Variants in PCM1 observed in about 807,000 individuals in gnomAD.
PCM1 encodes pericentriolar material 1.
PCM1 carries 157 observed loss-of-function variants against 241.9 expected under a neutral mutation model. That is an observed-to-expected ratio of 0.65 (90% CI 0.57 to 0.74). The LOEUF (loss-of-function observed/expected upper bound fraction) is 0.74, where lower values mean the gene tolerates loss of function less well. PCM1 is among the 30% of genes least tolerant of loss of function. The pLI is 0.00. For missense variants in PCM1, 3,478 were observed against 2,360.1 expected, an observed-to-expected ratio of 1.47 and a Z score of -9.81; for synonymous variants, 1,085 against 784.9, an observed-to-expected ratio of 1.38 and a Z score of -6.39.
At chr8:18,008,099 A>G (rs1318808823) in intron 30 of PCM1, among the ~76,000 whole-genome samples, 1 of 152,116 alleles carries the variant, frequency 6.6e-6, no homozygotes, top group Non-Finnish European at 1.5e-5. Context: ...GAAGTTTGGG[A>G]TCATTTATAT....
chr8:17,972,253 G>C (rs2077103976), intron 22 of PCM1, 76 bp from the exon 23 acceptor site: 1 of 797,964 alleles, frequency 1.3e-6, no homozygotes, highest in Non-Finnish European at 1.9e-6. Context: ...TACTCGAGTA[G>C]ACTATAAATT....
rs747995686 is a variant in PCM1 at position 17,953,094 on chromosome 8, A to T, written c.1196A>T (p.Lys399Ile). 1.2e-6 allele frequency: 2 copies of T among 1,602,960 alleles called. No individual in the cohort carries two copies. The highest frequency in any genetic ancestry group is 1.7e-6 in the Non-Finnish European group (2 of 1,174,068). The part of the protein sequence containing the change: ...LPDEKVELFS[K>I]MRVLQEKKQK... ...GATGAGAAAGTCGAACTTTTTAGCA[A>T]AATGAGAGTGCTACAGGAAAAGAAA... The change falls in exon 9 of 39, where the codon AAA becomes ATA. Residue 399 changes from lysine (K) to isoleucine (I), a missense_variant. Transcript: ENST00000325083.
At chr8:17,949,872 A>G (rs948873461) in intron 7 of PCM1, among the ~76,000 whole-genome samples, 2 of 152,230 alleles carry the variant, frequency 1.3e-5, no homozygotes, top group East Asian at 1.9e-4. Context: ...AACAGTGACT[A>G]TCATGAAAAT....
intron 29 of PCM1, among the ~76,000 whole-genome samples, chr8:18,005,015 G>A (rs545612584): frequency 8.6e-5 from 13 of 151,954 alleles, no homozygotes; most frequent in South Asian, 4.2e-4. Flanking sequence ...ACTTTTTCAC[G>A]TATTAGCTGT....
At chr8:17,977,369 A>G (rs999485781) in intron 23 of PCM1, among the ~76,000 whole-genome samples, 7 of 152,226 alleles carry the variant, frequency 4.6e-5, no homozygotes, top group African/African-American at 1.7e-4. Flanking sequence ...ATGAAGTCTT[A>G]CATAATGGCC....
rs1415289729 is a variant in PCM1 at position 17,969,566 on chromosome 8, T to A, written c.3413-11T>A. ...TTTATTTTTCTCTTACCCATTGCTT[T>A]TACTGATTAGGTATGAATTTCAGCC... On this transcript the variant is annotated splice_polypyrimidine_tract_variant and intron_variant, in intron 21 of 38. Coordinates refer to ENST00000325083, the MANE Select transcript of PCM1 (RefSeq NM_006197.4). The A allele has an allele frequency of 6.4e-7, 1 of 1,562,038 alleles. No individual in the cohort carries two copies. Among genetic ancestry groups the A allele is most frequent in the Non-Finnish European group, 8.7e-7 (1 of 1,151,970 alleles).
rs1260000931 is a variant in PCM1, at chr8:17,938,783, A to T, written c.386A>T (p.Asn129Ile). Residue 129 changes from asparagine (N) to isoleucine (I), a missense_variant, in exon 5 of 39, where the codon AAC becomes ATC. Coordinates refer to ENST00000325083, the MANE Select transcript of PCM1 (RefSeq NM_006197.4). ...TCCCAAGGTAGAGCAACAGCTGCTA[A>T]CAACAAACGTCAGCTTAGTGAAAAC... is the stretch of plus-strand genomic sequence containing the variant. Reference protein sequence around the residue: ...SDSQGRATAANNKRQLSENRK... With the variant: ...SDSQGRATAAINKRQLSENRK... The T allele has an allele frequency of 4.3e-6, 7 of 1,612,420 alleles. No individual in the cohort carries two copies. The highest frequency in any genetic ancestry group is 5.1e-6 in the Non-Finnish European group (6 of 1,178,512).
intron 24 of PCM1, among the ~76,000 whole-genome samples, chr8:17,981,840 T>G (rs2080936873): frequency 6.6e-6 from 1 of 152,010 alleles, no homozygotes; most frequent in South Asian, 2.1e-4. Flanking sequence ...CTGGAAAGCT[T>G]CAGAAGTCAT....
intron 3 of PCM1, among the ~76,000 whole-genome samples, chr8:17,936,086 C>A (rs757405346): frequency 1.3e-5 from 2 of 152,186 alleles, no homozygotes; most frequent in Non-Finnish European, 2.9e-5. Flanking sequence ...GTTTTCTCTC[C>A]TCTGGTCCAT....
chr8:18,009,766 T>G (rs443743), intron 31 of PCM1, 22 bp downstream of exon 31: 57,686 of 1,354,718 alleles, frequency 0.043, 2,166 homozygotes, highest in African/African-American at 0.16. Context: ...TCATTTTGAT[T>G]TTTAGGATAA....
rs1384851917 is a variant in PCM1, at chr8:18,027,889, T to TG, written c.*230dup. ...TTTTTTTTTTTTCCCCCTTCTTTTT[T>TG]GGGTCTTCATTTTTTTCCCCATTGT... On this transcript the variant is annotated 3_prime_UTR_variant, in exon 39 of 39. Coordinates refer to ENST00000325083, the MANE Select transcript of PCM1 (RefSeq NM_006197.4). The TG allele has an allele frequency of 2.8e-6, 1 of 363,042 alleles. No individual in the cohort carries two copies. Among genetic ancestry groups the TG allele is most frequent in the Non-Finnish European group, 5.0e-6 (1 of 201,922 alleles). The allele number at this position is 363,042 out of a possible 1,614,324, so 22.5% of individuals were successfully genotyped here. A position where few individuals can be genotyped will look rare whatever the true frequency, so the allele number is the denominator to read the frequency against.
At chr8:17,978,996 T>G (rs1273389466) in intron 23 of PCM1, among the ~76,000 whole-genome samples, 2 of 152,072 alleles carry the variant, frequency 1.3e-5, no homozygotes, top group East Asian at 1.9e-4. Flanking sequence ...AAGGCAGTTA[T>G]GCCTGTAATC....
At chr8:18,023,952 T>C (rs1040076300) in intron 36 of PCM1, among the ~76,000 whole-genome samples, 13 of 152,200 alleles carry the variant, frequency 8.5e-5, no homozygotes, top group African/African-American at 3.1e-4. Flanking sequence ...GCTACTCCAT[T>C]TGGCCACCCT....
In PCM1 at chr8:17,968,640, A is replaced by G. The variant is rs955486394; in HGVS notation, c.3413-937A>G. 2.6e-5 allele frequency among the ~76,000 whole-genome samples: 4 copies of G among 151,980 alleles called. No individual in the cohort carries two copies. The East Asian group carries it at 5.8e-4, about 22-fold the overall frequency. On this transcript the variant is annotated intron_variant, in intron 21 of 38. Transcript: ENST00000325083. ...GAGAGGGCTTTGTGAATATATATAT[A>G]TATAATCACAATATATATGTACTCA...
At chr8:18,012,569 C>T (rs1180082399) in intron 34 of PCM1, among the ~76,000 whole-genome samples, 1 of 152,044 alleles carries the variant, frequency 6.6e-6, no homozygotes, top group Non-Finnish European at 1.5e-5. Context: ...TTATTTTCCT[C>T]CCTGGTCTAG....
chr8:17,956,862 G>A, intron 11 of PCM1, 85 bp downstream of exon 11: 3 of 1,068,498 alleles, frequency 2.8e-6, no homozygotes, highest in African/African-American at 3.2e-5. Context: ...CTTCGTTGTA[G>A]TATTTACTAT....
intron 9 of PCM1, among the ~76,000 whole-genome samples, chr8:17,954,399 C>T (rs1308679355): frequency 6.7e-6 from 1 of 149,870 alleles, no homozygotes; most frequent in Non-Finnish European, 1.5e-5. Flanking sequence ...TGCACTCCAG[C>T]CTGGGCAACA....
intron 1 of PCM1, 132 bp from the exon 2 acceptor site, chr8:17,924,575 AAATATG>A: frequency 6.6e-6 from 1 of 152,358 alleles, no homozygotes; most frequent in Non-Finnish European, 1.5e-5. Context: ...CTTAAATTTA[AAATATG>A]AATAAGTTAT....
chr8:17,965,431 C>T (rs1374541244), intron 18 of PCM1, among the ~76,000 whole-genome samples: 1 of 152,166 alleles, frequency 6.6e-6, no homozygotes, highest in Admixed American at 6.5e-5. Context: ...GAGCTCTGTG[C>T]TAGGAACCAG....
Sources: gnomAD v4.1 joint callset for allele counts (sites outside exome capture counted in the v4.1 genomes callset) on GRCh38, gnomAD v4.1.1 for gene constraint, MANE v1.5 for transcripts, NCBI Gene and HGNC (gene_info 2026-07-23, HGNC 2026-07-21) for gene names.